PPP1R3B: variants seen among roughly 807,000 people sequenced by gnomAD.
PPP1R3B encodes the protein PP1 subunit R4.
Under a neutral mutation model 14.6 loss-of-function variants are expected in PPP1R3B, and 8 were observed. The observed-to-expected ratio is 0.55, with a 90% CI of 0.32 to 0.99. PPP1R3B has a LOEUF of 0.99. Ranked by LOEUF, PPP1R3B falls within the 50% of genes least tolerant of loss-of-function variation. The pLI is 0.04. For missense variants in PPP1R3B, 452 were observed against 360.1 expected, an observed-to-expected ratio of 1.26 and a Z score of -2.07; for synonymous variants, 169 against 142.0, an observed-to-expected ratio of 1.19 and a Z score of -1.35.
At chr8:9,146,070 T>C (rs536283581) in intron 1 of PPP1R3B, among the ~76,000 whole-genome samples, 24 of 152,220 alleles carry the variant, frequency 1.6e-4, no homozygotes, top group African/African-American at 5.8e-4. Context: ...GGTTTCACCA[T>C]GTTGCCCAGG....
chr8:9,145,071 A>G (rs1231684061), intron 1 of PPP1R3B, among the ~76,000 whole-genome samples: 1 of 152,164 alleles, frequency 6.6e-6, no homozygotes, highest in Admixed American at 6.5e-5. Context: ...TTATATCATC[A>G]TTAAAGCCAT....
chr8:9,146,792 A>G (rs1306316844), intron 1 of PPP1R3B, among the ~76,000 whole-genome samples: 1 of 152,092 alleles, frequency 6.6e-6, no homozygotes, highest in East Asian at 1.9e-4. Context: ...TGGAAAGGAA[A>G]GTTCTGACTG....
chr8:9,144,129 GTC>G (rs1471596813), intron 1 of PPP1R3B, among the ~76,000 whole-genome samples: 18 of 150,118 alleles, frequency 1.2e-4, no homozygotes, highest in Admixed American at 1.2e-3. Flanking sequence ...GAAAAACAAT[GTC>G]TGTTTTTTAT....
In PPP1R3B at chr8:9,141,414, A is replaced by C. The variant is rs1289924312; in HGVS notation, c.238T>G (p.Ser80Ala). ...ATATCTAGCGGGTCATCGAATTCCGAGAACACTTTGACCATTGTCAGGGCC... is the reference window on the plus strand; with the variant it reads ...ATATCTAGCGGGTCATCGAATTCCGCGAACACTTTGACCATTGTCAGGGCC... ...GLALTMVKVFSEFDDPLDMPF... is the reference protein window; with the variant it reads ...GLALTMVKVFAEFDDPLDMPF... Residue 80 changes from serine (S) to alanine (A), a missense_variant, in exon 2 of 2, where the codon TCG becomes GCG. Ser to Ala is a moderately conservative substitution (Grantham distance 99, BLOSUM62 1). Transcript: ENST00000310455. 1.2e-6 allele frequency: 2 copies of C among 1,614,076 alleles called. No individual in the cohort carries two copies. The highest frequency in any genetic ancestry group is 1.7e-6 in the Non-Finnish European group (2 of 1,180,038).
At chr8:9,145,010 T>G (rs1252853734) in intron 1 of PPP1R3B, among the ~76,000 whole-genome samples, 1 of 152,190 alleles carries the variant, frequency 6.6e-6, no homozygotes, top group East Asian at 1.9e-4. Context: ...CCTCCCAAAG[T>G]GCTGGGATTG....
At chr8:9,143,967 TAA>T (rs1326007402) in intron 1 of PPP1R3B, among the ~76,000 whole-genome samples, 1 of 152,134 alleles carries the variant, frequency 6.6e-6, no homozygotes, top group Admixed American at 6.5e-5. Flanking sequence ...CCTTAATATG[TAA>T]AGTGTTCTTA....
chr8:9,150,622 G>C lies in PPP1R3B; in HGVS notation c.-77C>G, dbSNP rs542886136. On this transcript the variant is annotated 5_prime_UTR_variant, in exon 1 of 2. Coordinates refer to ENST00000310455, the MANE Select transcript of PPP1R3B (RefSeq NM_024607.4). ...GCTCGCCGCATCGGAGAGCCCGCAG[G>C]GTTGTGGCAAGCGCGACTACGTGAG... 2 of 152,424 alleles carry C rather than the reference G, an allele frequency of 1.3e-5. No individual in the cohort carries two copies. Among genetic ancestry groups the C allele is most frequent in the African/African-American group, 2.4e-5 (1 of 41,480 alleles). 9.4% of individuals were successfully genotyped at this position (152,424 alleles called of 1,614,324 possible). A position where few individuals can be genotyped will look rare whatever the true frequency, so the allele number is the denominator to read the frequency against.
chr8:9,149,077 C>T (rs1801331777), intron 1 of PPP1R3B, among the ~76,000 whole-genome samples: 1 of 149,630 alleles, frequency 6.7e-6, no homozygotes, highest in Non-Finnish European at 1.5e-5. Context: ...CCTGTAGTCC[C>T]AGCTACTCAG....
chr8:9,151,445 C>G (rs1005094087), upstream of PPP1R3B: 4 of 164,004 alleles, frequency 2.4e-5, no homozygotes, highest in African/African-American at 9.6e-5. Context: ...GGAGCTGGGC[C>G]CGGGCTCGGG....
chr8:9,145,020 G>A (rs955818611), intron 1 of PPP1R3B, among the ~76,000 whole-genome samples: 8 of 152,082 alleles, frequency 5.3e-5, no homozygotes, highest in African/African-American at 1.9e-4. Context: ...TGCTGGGATT[G>A]CAGGCGGGGA....
chr8:9,146,870 C>G (rs1489940875), intron 1 of PPP1R3B, among the ~76,000 whole-genome samples: 1 of 152,082 alleles, frequency 6.6e-6, no homozygotes, highest in Non-Finnish European at 1.5e-5. Context: ...AAAAAAAATC[C>G]TATACTTACA....
chr8:9,148,988 C>G (rs1216012158), intron 1 of PPP1R3B, among the ~76,000 whole-genome samples: 2 of 149,596 alleles, frequency 1.3e-5, no homozygotes, highest in African/African-American at 4.9e-5. Flanking sequence ...GAGATCGAGA[C>G]CATCCTGGCG....
upstream of PPP1R3B, chr8:9,150,683 T>A (rs1446759908): frequency 2.0e-5 from 3 of 152,286 alleles, no homozygotes; most frequent in Admixed American, 6.5e-5. Flanking sequence ...CTGGGCTGGG[T>A]TCCCGGAGAT....
chr8:9,146,145 T>A (rs886332612), intron 1 of PPP1R3B, among the ~76,000 whole-genome samples: 1 of 152,192 alleles, frequency 6.6e-6, no homozygotes, highest in Non-Finnish European at 1.5e-5. Context: ...TGAGCACTTT[T>A]TATCATTCTA....
At chr8:9,146,687 G>A (rs1454829045) in intron 1 of PPP1R3B, among the ~76,000 whole-genome samples, 2 of 152,128 alleles carry the variant, frequency 1.3e-5, no homozygotes, top group Non-Finnish European at 2.9e-5. Flanking sequence ...AAGGATATCT[G>A]TCTCACTGTT....
At chr8:9,147,031 G>A (rs963763027) in intron 1 of PPP1R3B, among the ~76,000 whole-genome samples, 1 of 151,002 alleles carries the variant, frequency 6.6e-6, no homozygotes, top group African/African-American at 2.4e-5. Flanking sequence ...TGCCCAGGCT[G>A]GAGTGCCGTG....
In PPP1R3B at chr8:9,139,824, CA is replaced by C. The variant is rs1298006841; in HGVS notation, c.*969del. 2 of 152,310 alleles carry C rather than the reference CA, an allele frequency of 1.3e-5. No homozygotes were observed. Among genetic ancestry groups the C allele is most frequent in the Non-Finnish European group, 2.9e-5 (2 of 68,118 alleles). The allele number at this position is 152,310 out of a possible 1,614,324, so 9.4% of individuals were successfully genotyped here. A position where few individuals can be genotyped will look rare whatever the true frequency, so the allele number is the denominator to read the frequency against. On this transcript the variant is annotated 3_prime_UTR_variant, in exon 2 of 2. Transcript: ENST00000310455. ...TCGGCCTCCCAAAGTGCTGGGATTACAGGCATAAGCCACCGCGCCCGGCCCC... is the reference window on the plus strand; with the variant it reads ...TCGGCCTCCCAAAGTGCTGGGATTACGGCATAAGCCACCGCGCCCGGCCCC...
chr8:9,151,017 G>T (rs1369749208), upstream of PPP1R3B, among the ~76,000 whole-genome samples: 1 of 152,222 alleles, frequency 6.6e-6, no homozygotes, highest in Non-Finnish European at 1.5e-5. Context: ...CTGGGAACTT[G>T]TGCTAGTTTC....
rs771194984 is a variant in PPP1R3B at position 9,141,115 on chromosome 8, G to A, written c.537C>T (p.Tyr179=). Residue 179 remains tyrosine, a synonymous_variant, in exon 2 of 2, where the codon TAC becomes TAT. Coordinates refer to ENST00000310455, the MANE Select transcript of PPP1R3B (RefSeq NM_024607.4). ...CTGAACCGGCATAAGTGTCCTTCAC[G>A]TACTGACAAGGAAAGTCTGTGTAGC... ...WKSYTDFPCQ[Y]VKDTYAGSDR... is the part of the protein sequence containing the mutation. 1.2e-5 allele frequency: 19 copies of A among 1,614,044 alleles called. No individual in the cohort carries two copies. Among genetic ancestry groups the A allele is most frequent in the Admixed American group, 8.3e-5 (5 of 59,990 alleles).
Sources: allele counts gnomAD v4.1 joint callset (sites outside exome capture counted in the v4.1 genomes callset), GRCh38; gene constraint gnomAD v4.1.1; transcripts MANE v1.5; gene names NCBI Gene and HGNC (gene_info 2026-07-23, HGNC 2026-07-21).